Variants in HPSE2 observed in about 807,000 individuals in gnomAD.
HPSE2 encodes the protein inactive heparanase-2.
In HPSE2, 38 loss-of-function variants were observed where a neutral mutation model predicts 60.5. That is an observed-to-expected ratio of 0.63 (90% CI 0.48 to 0.82). The LOEUF (loss-of-function observed/expected upper bound fraction) is 0.82, where lower values mean the gene tolerates loss of function less well. Ranked by LOEUF, HPSE2 falls within the 40% of genes least tolerant of loss-of-function variation. The probability of loss-of-function intolerance (pLI) is 0.00; values close to 1 mark genes in which losing one functional copy is unlikely to be tolerated. For synonymous variants in HPSE2, 295 were observed against 293.2 expected (o/e 1.01, Z -0.06); for missense variants, 713 against 740.4 (o/e 0.96, Z 0.43).
intron 9 of HPSE2, among the ~76,000 whole-genome samples, chr10:98,550,655 T>C (rs508451): frequency 0.14 from 21,578 of 152,004 alleles, 1,835 homozygotes; most frequent in African/African-American, 0.22. Context: ...TATAGTATTG[T>C]AGTAGAGACG....
intron 7 of HPSE2, among the ~76,000 whole-genome samples, chr10:98,626,630 G>A (rs1946221527): frequency 6.6e-6 from 1 of 152,008 alleles, no homozygotes; most frequent in East Asian, 1.9e-4. Context: ...AACAGACAGT[G>A]GCCCCAGCTG....
intron 3 of HPSE2, among the ~76,000 whole-genome samples, chr10:99,068,830 T>C (rs1842696373): frequency 2.0e-5 from 3 of 152,058 alleles, no homozygotes; most frequent in Admixed American, 6.6e-5. Flanking sequence ...TGTAAATGAG[T>C]ATTATGAACA....
chr10:98,460,018 T>TGG (rs1419189069), intron 11 of HPSE2, among the ~76,000 whole-genome samples: 6 of 152,202 alleles, frequency 3.9e-5, no homozygotes, highest in Non-Finnish European at 7.3e-5. Flanking sequence ...TCACACAGCT[T>TGG]GGAGGTCCAG....
the HPSE2 span, among the ~76,000 whole-genome samples, chr10:99,307,832 G>GCACACACA: frequency 1.3e-4 from 18 of 134,504 alleles, no homozygotes; most frequent in African/African-American, 4.7e-4. Context: ...TAGTAAATGC[G>GCACACACA]CACACACACA....
intron 9 of HPSE2, among the ~76,000 whole-genome samples, chr10:98,511,006 A>C (rs1310306913): frequency 6.6e-6 from 1 of 152,242 alleles, no homozygotes; most frequent in Non-Finnish European, 1.5e-5. Context: ...CAAATTCTAC[A>C]AAGTTATGTA....
At chr10:99,100,903 G>C (rs1843944317) in intron 3 of HPSE2, among the ~76,000 whole-genome samples, 1 of 152,170 alleles carries the variant, frequency 6.6e-6, no homozygotes, top group African/African-American at 2.4e-5. Context: ...AGCTTCATAA[G>C]TGAAGGAGAA....
intron 3 of HPSE2, among the ~76,000 whole-genome samples, chr10:98,875,716 A>G (rs992012102): frequency 6.6e-6 from 1 of 152,062 alleles, no homozygotes. Flanking sequence ...CCTGGCAGAG[A>G]CACAACAAAA....
chr10:99,235,927 AAC>A (rs1402229240), upstream of HPSE2: 222 of 630,906 alleles, frequency 3.5e-4, 3 homozygotes, highest in South Asian at 2.4e-3. Context: ...CCACCCCCCC[AAC>A]ACACACACAC....
chr10:99,225,142 TAAAC>T (rs935508593), intron 2 of HPSE2, among the ~76,000 whole-genome samples: 3 of 152,110 alleles, frequency 2.0e-5, no homozygotes, highest in Non-Finnish European at 4.4e-5. Context: ...ACTTCATAAA[TAAAC>T]ATACATAAAA....
At chr10:99,143,667 C>T (rs1385566078) in intron 3 of HPSE2, among the ~76,000 whole-genome samples, 1 of 152,218 alleles carries the variant, frequency 6.6e-6, no homozygotes, top group East Asian at 1.9e-4. Context: ...ACCAGCAAGT[C>T]TGCAAGCAGC....
intron 6 of HPSE2, among the ~76,000 whole-genome samples, chr10:98,653,524 A>G (rs1263542695): frequency 2.0e-5 from 3 of 150,716 alleles, no homozygotes; most frequent in Non-Finnish European, 3.0e-5. Context: ...TTTCTAAAAC[A>G]TTTTATGTGG....
At chr10:98,541,354 G>C (rs756546287) in intron 9 of HPSE2, among the ~76,000 whole-genome samples, 1 of 152,186 alleles carries the variant, frequency 6.6e-6, no homozygotes, top group Non-Finnish European at 1.5e-5. Flanking sequence ...TGGCTGAATA[G>C]GAATAGCTCC....
At chr10:98,992,297 G>A (rs1373973025) in intron 3 of HPSE2, among the ~76,000 whole-genome samples, 1 of 151,584 alleles carries the variant, frequency 6.6e-6, no homozygotes, top group Non-Finnish European at 1.5e-5. Flanking sequence ...TTAAATAGTT[G>A]TTTTTTTTCA....
chr10:99,173,635 T>C (rs1426633799), intron 2 of HPSE2, among the ~76,000 whole-genome samples: 2 of 152,130 alleles, frequency 1.3e-5, no homozygotes, highest in African/African-American at 2.4e-5. Flanking sequence ...AAAATTATAT[T>C]ATAACCATCT....
At chr10:98,852,045 C>T (rs527297670) in intron 3 of HPSE2, among the ~76,000 whole-genome samples, 21 of 151,546 alleles carry the variant, frequency 1.4e-4, no homozygotes, top group African/African-American at 5.1e-4. Flanking sequence ...TACAGCAGTT[C>T]GCACATTCAT....
chr10:98,476,788 TA>T (rs902929831), intron 11 of HPSE2, among the ~76,000 whole-genome samples: 5 of 150,104 alleles, frequency 3.3e-5, no homozygotes, highest in Admixed American at 2.6e-4. Flanking sequence ...GGAGTCTGTC[TA>T]AAAAAAAAGG....
At chr10:99,314,683 T>G in the HPSE2 span, among the ~76,000 whole-genome samples, 1 of 152,366 alleles carries the variant, frequency 6.6e-6, no homozygotes, top group South Asian at 2.1e-4. Flanking sequence ...TTTACAAATC[T>G]GTGCACTTAT....
At chr10:99,039,157 T>A (rs1475121891) in intron 3 of HPSE2, among the ~76,000 whole-genome samples, 2 of 152,210 alleles carry the variant, frequency 1.3e-5, no homozygotes, top group Non-Finnish European at 2.9e-5. Flanking sequence ...TTTGCCACCC[T>A]GACTAATCTT....
intron 3 of HPSE2, among the ~76,000 whole-genome samples, chr10:98,987,975 C>G (rs1352595994): frequency 6.6e-6 from 1 of 152,212 alleles, no homozygotes; most frequent in African/African-American, 2.4e-5. Context: ...CTACAAACCA[C>G]TTTTCAGTGA....
Sources: allele counts gnomAD v4.1 joint callset (sites outside exome capture counted in the v4.1 genomes callset), GRCh38; gene constraint gnomAD v4.1.1; transcripts MANE v1.5; gene names NCBI Gene and HGNC (gene_info 2026-07-23, HGNC 2026-07-21).